The following RELL1 variants were observed in gnomAD, a reference collection of about 807,000 sequenced individuals.
RELL1 encodes the protein RELT-like protein 1.
In RELL1, 10 loss-of-function variants were observed where a neutral mutation model predicts 23.0. The ratio of observed to expected loss-of-function variants is 0.43; its 90% confidence interval spans 0.27 to 0.74. The LOEUF (loss-of-function observed/expected upper bound fraction) is 0.74, where lower values mean the gene tolerates loss of function less well. RELL1 is among the 30% of genes least tolerant of loss of function. The pLI, the probability that RELL1 is intolerant of heterozygous loss-of-function variation, is 0.19. For synonymous variants in RELL1, 146 were observed against 146.8 expected (o/e 0.99, Z 0.04); for missense variants, 315 against 364.4 (o/e 0.86, Z 1.10).
rs62297227 is a variant in RELL1 at position 37,669,167 on chromosome 4, G to C, written c.88+17033C>G. On this transcript the variant is annotated intron_variant, in intron 1 of 6. Transcript: ENST00000454158. ...GCCCCTCTGCCCGGCCAGCCGCCCC[G>C]TCCGGGAGGGAGGTGGGGGGGGGGG... 1.5e-4 allele frequency among the ~76,000 whole-genome samples: 10 copies of C among 64,912 alleles called. No individual in the cohort carries two copies. The East Asian group carries it at 2.2e-3, about 14-fold the overall frequency. The allele number at this position is 64,912 out of a possible 152,430, so 42.6% of individuals were successfully genotyped here.
At chr4:37,668,825 G>C (rs1181424531) in intron 1 of RELL1, among the ~76,000 whole-genome samples, 3 of 147,226 alleles carry the variant, frequency 2.0e-5, no homozygotes, top group East Asian at 3.9e-4. Context: ...GTCTCTCCCC[G>C]GCCGCCCATC....
At chr4:37,604,680 C>T (rs1020903547) in intron 6 of RELL1, among the ~76,000 whole-genome samples, 23 of 151,882 alleles carry the variant, frequency 1.5e-4, no homozygotes, top group African/African-American at 5.6e-4. Flanking sequence ...CATGCAGAAG[C>T]GGGTGGGGAA....
At chr4:37,635,794 G>T (rs1033757866) in intron 4 of RELL1, among the ~76,000 whole-genome samples, 1 of 152,290 alleles carries the variant, frequency 6.6e-6, no homozygotes, top group East Asian at 1.9e-4. Context: ...CAGAGTGTCT[G>T]CCTATCACTC....
At chr4:37,616,447 G>A (rs1665202715) in intron 6 of RELL1, among the ~76,000 whole-genome samples, 1 of 152,166 alleles carries the variant, frequency 6.6e-6, no homozygotes, top group African/African-American at 2.4e-5. Flanking sequence ...TGTGTGGCAG[G>A]CAACAGAAAG....
downstream of RELL1, among the ~76,000 whole-genome samples, chr4:37,605,793 G>GAAAAGAA (rs1553871642): frequency 1.1e-5 from 1 of 90,304 alleles, no homozygotes; most frequent in African/African-American, 3.9e-5. Context: ...GAGAAAGAAA[G>GAAAAGAA]AGAAAGAAAG....
downstream of RELL1, among the ~76,000 whole-genome samples, chr4:37,607,016 T>G (rs1227014630): frequency 3.3e-5 from 5 of 152,222 alleles, no homozygotes; most frequent in Non-Finnish European, 2.9e-5. Flanking sequence ...ACCTGTATGG[T>G]GTCCCTTCCC....
At chr4:37,667,297 TTAACTCATTTCATCCTTACAA>T (rs1721567161) in intron 1 of RELL1, among the ~76,000 whole-genome samples, 1 of 151,902 alleles carries the variant, frequency 6.6e-6, no homozygotes, top group Non-Finnish European at 1.5e-5. Context: ...TTTTCAGATA[TTAACTCATTTCATCCTTACAA>T]TAACTCTATG....
intron 1 of RELL1, among the ~76,000 whole-genome samples, chr4:37,672,004 G>C (rs4832930): frequency 6.6e-6 from 1 of 151,946 alleles, no homozygotes; most frequent in African/African-American, 2.4e-5. Context: ...GAGCAGGCAC[G>C]AAAACAGAAC....
intron 4 of RELL1, among the ~76,000 whole-genome samples, chr4:37,637,473 C>T (rs1015258910): frequency 1.3e-5 from 2 of 152,230 alleles, no homozygotes; most frequent in African/African-American, 4.8e-5. Context: ...TCTTCTGGCC[C>T]TTCTTCCTAC....
chr4:37,628,159 T>C (rs1479695509), intron 6 of RELL1, among the ~76,000 whole-genome samples: 2 of 152,186 alleles, frequency 1.3e-5, no homozygotes, highest in African/African-American at 2.4e-5. Context: ...GGTAATCAGA[T>C]AGGGCCACCC....
rs1560323899 is a variant in RELL1 at position 37,604,876 on chromosome 4, C to CACAG, written c.*4-13660_*4-13659insCTGT. Among the ~76,000 whole-genome samples, 4 of 75,950 alleles carry CACAG rather than the reference C, an allele frequency of 5.3e-5. 2 individuals carry two copies. The highest frequency in any genetic ancestry group is 1.2e-4 in the African/African-American group (2 of 17,314). The allele number at this position is 75,950 out of a possible 152,430, so 49.8% of individuals were successfully genotyped here. ...AGACACACACACACAGACACACACA[C>CACAG]ACATACACACAGACACACACACAGA... On this transcript the variant is annotated intron_variant, in intron 6 of 6. Transcript: ENST00000314117.
intron 5 of RELL1, 95 bp downstream of exon 5, chr4:37,634,792 C>T: frequency 1.9e-6 from 2 of 1,066,418 alleles, no homozygotes; most frequent in East Asian, 4.7e-5. Context: ...GAGACAGGCA[C>T]AGAGAACATA....
intron 6 of RELL1, among the ~76,000 whole-genome samples, chr4:37,604,948 C>A (rs527439612): frequency 6.7e-6 from 1 of 148,590 alleles, no homozygotes; most frequent in African/African-American, 2.5e-5. Flanking sequence ...CACACATACA[C>A]ACACAGAGAC....
intron 1 of RELL1, among the ~76,000 whole-genome samples, chr4:37,685,022 T>C (rs1024978559): frequency 2.0e-5 from 3 of 152,096 alleles, no homozygotes; most frequent in Non-Finnish European, 4.4e-5. Flanking sequence ...TTTCCCCAGG[T>C]GGATGGCTAA....
At chr4:37,681,957 T>G (rs551908746) in intron 1 of RELL1, among the ~76,000 whole-genome samples, 1 of 152,280 alleles carries the variant, frequency 6.6e-6, no homozygotes, top group Non-Finnish European at 1.5e-5. Flanking sequence ...ATTTTCTTAC[T>G]CAAAAAAATA....
chr4:37,668,873 G>A lies in RELL1; in HGVS notation c.88+17327C>T, dbSNP rs1440522245. Among the ~76,000 whole-genome samples the A allele has an allele frequency of 2.0e-3, 302 of 149,468 alleles. 1 individual carries two copies. Among genetic ancestry groups the A allele is most frequent in the African/African-American group, 6.9e-3 (276 of 39,740 alleles). On this transcript the variant is annotated intron_variant, in intron 1 of 6. Transcript: ENST00000454158. ...GGGAGCGCCTCTGCCCTGTCGCCTC[G>A]TCCGGGATGTGAGGAGCGTCTCTGC...
At chr4:37,592,142 G>A (rs1225698164) in intron 6 of RELL1, among the ~76,000 whole-genome samples, 2 of 151,356 alleles carry the variant, frequency 1.3e-5, no homozygotes, top group African/African-American at 2.4e-5. Context: ...CTGGGAGGTG[G>A]AGGTTGCAGT....
At chr4:37,669,475 A>G (rs367828645) in intron 1 of RELL1, among the ~76,000 whole-genome samples, 16 of 142,042 alleles carry the variant, frequency 1.1e-4, no homozygotes, top group South Asian at 4.8e-4. Context: ...CTGCCCGGCC[A>G]CCCCTACTGG....
At position 37,622,798 on chromosome 4, in the gene RELL1, GCT is replaced by G. The variant is rs1719811321; in HGVS notation, c.*3+8585_*3+8586del. 2.9e-4 allele frequency: 121 copies of G among 418,172 alleles called. 1 individual carries two copies. The highest frequency in any genetic ancestry group is 1.6e-3 in the Middle Eastern group (2 of 1,236). 25.9% of individuals were successfully genotyped at this position (418,172 alleles called of 1,614,324 possible). ...GGCACATAGTAGGGTCTCAAGTAATGCTTTTTTTTTTTTTTTTTTTTCTGAGA... is the reference window on the plus strand; with the variant it reads ...GGCACATAGTAGGGTCTCAAGTAATGTTTTTTTTTTTTTTTTTTTCTGAGA... On this transcript the variant is annotated intron_variant, in intron 6 of 6. Transcript: ENST00000454158.
Sources: allele counts gnomAD v4.1 joint callset (sites outside exome capture counted in the v4.1 genomes callset), GRCh38; gene constraint gnomAD v4.1.1; transcripts MANE v1.5; gene names NCBI Gene and HGNC (gene_info 2026-07-23, HGNC 2026-07-21).